The following ELF4 variants were observed in gnomAD, a reference collection of about 807,000 sequenced individuals.
ELF4 encodes E74 like ETS transcription factor 4, also known as ETS-related transcription factor Elf-4.
In ELF4, 10 loss-of-function variants were observed where a neutral mutation model predicts 31.7. The ratio of observed to expected loss-of-function variants is 0.32; its 90% CI spans 0.19 to 0.54. The LOEUF (loss-of-function observed/expected upper bound fraction) is 0.54, where lower values mean the gene tolerates loss of function less well. Ranked by LOEUF, ELF4 falls within the 20% of genes least tolerant of loss-of-function variation. The pLI, the probability that ELF4 is intolerant of heterozygous loss-of-function variation, is 0.95. For synonymous variants in ELF4, 208 were observed against 226.7 expected, an observed-to-expected ratio of 0.92 and a Z score of 0.74; for missense variants, 418 against 522.0, an observed-to-expected ratio of 0.80 and a Z score of 1.94.
intron 1 of ELF4, among the ~76,000 whole-genome samples, chrX:130,108,697 C>T (rs755403323): frequency 2.2e-4 from 24 of 110,896 alleles, no homozygotes; most frequent in African/African-American, 6.9e-4. Context: ...GAGCAACCAC[C>T]GAGCAAACAG....
At chrX:130,074,025 T>G in intron 4 of ELF4, 24 bp downstream of exon 4, 1 of 1,196,285 alleles carries the variant, frequency 8.4e-7, no homozygotes, top group Non-Finnish European at 1.1e-6. Context: ...TGCCTTGAGT[T>G]CAGGCACTGG....
At chrX:130,089,528 A>AAAAAAC (rs1407315522) in intron 1 of ELF4, among the ~76,000 whole-genome samples, 3 of 104,613 alleles carry the variant, frequency 2.9e-5, no homozygotes, top group Non-Finnish European at 5.9e-5. Context: ...AAAAAAAAAA[A>AAAAAAC]AAAAAAAAAC....
intron 5 of ELF4, among the ~76,000 whole-genome samples, chrX:130,071,840 A>C (rs771784622): frequency 3.6e-5 from 4 of 112,010 alleles, no homozygotes; most frequent in African/African-American, 1.3e-4. Context: ...CCTCTCTCAT[A>C]TATGGCCTCG....
upstream of ELF4, among the ~76,000 whole-genome samples, chrX:130,110,968 C>G (rs1933478004): frequency 1.6e-5 from 1 of 60,614 alleles, no homozygotes; most frequent in African/African-American, 6.3e-5. Flanking sequence ...AGGGAAGAGC[C>G]GGAGGGAGGG....
intron 1 of ELF4, among the ~76,000 whole-genome samples, chrX:130,102,418 T>G (rs1164093581): frequency 8.9e-6 from 1 of 111,815 alleles, no homozygotes; most frequent in Non-Finnish European, 1.9e-5. Context: ...TGGAATTGAA[T>G]AGAGTGCAGA....
In ELF4 at chrX:130,064,438, C is replaced by CAA. The variant is rs1932618683; in HGVS notation, c.*2281_*2282dup. ...ACAGAGCAAGACTCTGACTCAAAAA[C>CAA]AAACGAACAAACAAAAACATTGTTG... On this transcript the variant is annotated 3_prime_UTR_variant, in exon 9 of 9. Coordinates refer to ENST00000308167, the MANE Select transcript of ELF4 (RefSeq NM_001421.4). 1.8e-5 allele frequency among the ~76,000 whole-genome samples: 2 copies of CAA among 112,070 alleles called. No homozygotes were observed. The highest frequency in any genetic ancestry group is 3.8e-5 in the Non-Finnish European group (2 of 53,204).
intron 2 of ELF4, among the ~76,000 whole-genome samples, chrX:130,076,075 G>C (rs987603282): frequency 4.5e-5 from 5 of 111,896 alleles, no homozygotes; most frequent in Non-Finnish European, 5.6e-5. Flanking sequence ...AAAAATAAGT[G>C]TCTAACAGTT....
At chrX:130,099,363 C>T (rs1933205961) in intron 1 of ELF4, among the ~76,000 whole-genome samples, 1 of 111,671 alleles carries the variant, frequency 9.0e-6, no homozygotes, top group African/African-American at 3.3e-5. Flanking sequence ...CGCCTGAGGT[C>T]AGGAGTTCAA....
chrX:130,105,600 G>A (rs1257172431), intron 1 of ELF4, among the ~76,000 whole-genome samples: 2 of 111,689 alleles, frequency 1.8e-5, no homozygotes, highest in African/African-American at 3.3e-5. Flanking sequence ...GCAATATATG[G>A]CTAGTCCTTA....
chrX:130,070,066 C>T (rs913868243), intron 7 of ELF4, among the ~76,000 whole-genome samples: 7 of 111,778 alleles, frequency 6.3e-5, no homozygotes, highest in Non-Finnish European at 9.4e-5. Flanking sequence ...CCCACCTCCC[C>T]GGGTCTCTGG....
chrX:130,072,194 A>C, intron 5 of ELF4, 32 bp downstream of exon 5: 1 of 736,046 alleles, frequency 1.4e-6, no homozygotes, highest in Non-Finnish European at 2.1e-6. Flanking sequence ...ATCCCCTCGG[A>C]GACACACATA....
chrX:130,086,811 C>T (rs1932968657), intron 1 of ELF4, among the ~76,000 whole-genome samples: 1 of 112,632 alleles, frequency 8.9e-6, no homozygotes, highest in Admixed American at 9.3e-5. Context: ...CATTAAGCTC[C>T]AGACGGTGGA....
chrX:130,079,031 G>T (rs1490412000), intron 2 of ELF4, among the ~76,000 whole-genome samples: 1 of 111,117 alleles, frequency 9.0e-6, no homozygotes, highest in African/African-American at 3.3e-5. Flanking sequence ...AGACTACCCT[G>T]GGGGGAAGAA....
Position 130,081,428 on chromosome X carries a change from A to G in ELF4, c.-98T>C. On this transcript the variant is annotated 5_prime_UTR_variant, in exon 2 of 9. Coordinates refer to ENST00000308167, the MANE Select transcript of ELF4 (RefSeq NM_001421.4). ...ACAATACCCAGGTACTTTGGAGCCT[A>G]GAGCCTACCCCCTGAGCTGCAGTAA... 1.3e-5 allele frequency: 12 copies of G among 890,754 alleles called. No homozygotes were observed. Among genetic ancestry groups the G allele is most frequent in the Non-Finnish European group, 2.0e-5 (12 of 608,166 alleles). 73.4% of individuals were successfully genotyped at this position (890,754 alleles called of 1,213,427 possible). A position where few individuals can be genotyped will look rare whatever the true frequency, so the allele number is the denominator to read the frequency against.
intron 1 of ELF4, among the ~76,000 whole-genome samples, chrX:130,104,933 T>TGGA (rs1166658004): frequency 1.8e-5 from 2 of 109,487 alleles, no homozygotes; most frequent in African/African-American, 6.7e-5. Context: ...CCAAGACAGG[T>TGGA]GGATCACCTG....
chrX:130,072,710 C>G, intron 4 of ELF4, among the ~76,000 whole-genome samples: 1 of 112,179 alleles, frequency 8.9e-6, no homozygotes, highest in Non-Finnish European at 1.9e-5. Flanking sequence ...TGATTTAGTC[C>G]TTGGCTCATT....
chrX:130,095,425 G>A (rs560625836), intron 1 of ELF4, among the ~76,000 whole-genome samples: 1 of 112,393 alleles, frequency 8.9e-6, no homozygotes, highest in Non-Finnish European at 1.9e-5. Flanking sequence ...AACTGGGGCC[G>A]GTGTGACCTT....
intron 1 of ELF4, among the ~76,000 whole-genome samples, chrX:130,107,087 C>T (rs370946277): frequency 1.8e-5 from 2 of 111,426 alleles, no homozygotes; most frequent in East Asian, 5.6e-4. Flanking sequence ...ACCAGCCTGG[C>T]CAACATGGTG....
chrX:130,081,165 A>G (rs1277569188), intron 2 of ELF4, 91 bp downstream of exon 2: 1 of 1,032,257 alleles, frequency 9.7e-7, no homozygotes, highest in East Asian at 3.0e-5. Context: ...CTAGCTGTGC[A>G]GCCAGCTGGC....
Sources: allele counts gnomAD v4.1 joint callset (sites outside exome capture counted in the v4.1 genomes callset), GRCh38; gene constraint gnomAD v4.1.1; transcripts MANE v1.5; gene names NCBI Gene and HGNC (gene_info 2026-07-23, HGNC 2026-07-21).